ITPRID2: variants seen among roughly 807,000 people sequenced by gnomAD.
The protein encoded by ITPRID2 is ITPR interacting domain containing 2.
ITPRID2 carries 60 observed loss-of-function variants against 124.3 expected under a neutral mutation model. The observed-to-expected ratio is 0.48, with a 90% CI of 0.39 to 0.60. ITPRID2 has a LOEUF of 0.60. Ranked by LOEUF, ITPRID2 falls within the 20% of genes least tolerant of loss-of-function variation. The probability of loss-of-function intolerance (pLI) is 0.00; values close to 1 mark genes in which losing one functional copy is unlikely to be tolerated. For synonymous variants in ITPRID2, 521 were observed against 542.9 expected (o/e 0.96, Z 0.56); for missense variants, 1,553 against 1,512.2 (o/e 1.03, Z -0.45).
chr2:181,913,628 A>G (rs1693797429), intron 9 of ITPRID2, among the ~76,000 whole-genome samples: 1 of 152,130 alleles, frequency 6.6e-6, no homozygotes. Context: ...AGAAGATCTG[A>G]TACAGTTTTT....
intron 2 of ITPRID2, among the ~76,000 whole-genome samples, chr2:181,895,481 T>C (rs1382842033): frequency 6.6e-6 from 1 of 152,028 alleles, no homozygotes; most frequent in Non-Finnish European, 1.5e-5. Flanking sequence ...GCTTCTACAT[T>C]TACATAAAAA....
In ITPRID2 at chr2:181,923,389, G is replaced by C. The variant is rs149214016; in HGVS notation, c.3675+977G>C. 1.8e-3 allele frequency among the ~76,000 whole-genome samples: 267 copies of C among 152,228 alleles called. 4 individuals carry two copies. The highest frequency in any genetic ancestry group is 3.5e-4 in the Non-Finnish European group (24 of 67,982). ...TTTCAAAACAAGCATTATAGCAGAA[G>C]ACTTCATATCTGTAATTTATTTTCA... On this transcript the variant is annotated intron_variant, in intron 16 of 17. Transcript: ENST00000431877.
intron 6 of ITPRID2, among the ~76,000 whole-genome samples, 193 bp downstream of exon 6, chr2:181,899,305 A>G (rs1468704900): frequency 1.3e-5 from 2 of 152,154 alleles, no homozygotes; most frequent in African/African-American, 4.8e-5. Context: ...TTGAGATTAA[A>G]TAAAATGCAA....
chr2:181,913,997 T>A, intron 10 of ITPRID2, 64 bp downstream of exon 10: 1 of 1,046,160 alleles, frequency 9.6e-7, no homozygotes, highest in Non-Finnish European at 1.4e-6. Flanking sequence ...GTTTTTGTAT[T>A]ACTATATATT....
intron 7 of ITPRID2, among the ~76,000 whole-genome samples, chr2:181,901,464 T>C (rs925989331): frequency 6.6e-6 from 1 of 152,320 alleles, no homozygotes; most frequent in Admixed American, 6.5e-5. Flanking sequence ...GACTTCAGAA[T>C]AGAATCACAA....
rs747076887 is a variant in ITPRID2, at chr2:181,922,422, A to G, written c.3675+10A>G. The stretch of plus-strand genomic sequence containing the variant: ...GCAAGTCATACGGGAGGTGGGTAAA[A>G]TCTGTGTTTCATTCATTTATTTGGA... On this transcript the variant is annotated intron_variant, in intron 16 of 17. Coordinates refer to ENST00000431877, the MANE Select transcript of ITPRID2 (RefSeq NM_001130445.3). The G allele has an allele frequency of 1.3e-6, 2 of 1,589,038 alleles. No individual in the cohort carries two copies. Among genetic ancestry groups the G allele is most frequent in the African/African-American group, 1.4e-5 (1 of 74,044 alleles).
At chr2:181,921,125 A>G (rs758916411) in intron 15 of ITPRID2, among the ~76,000 whole-genome samples, 10 of 152,154 alleles carry the variant, frequency 6.6e-5, no homozygotes, top group Non-Finnish European at 1.5e-4. Context: ...TCAAGGCTAC[A>G]GTGAGCTATG....
Position 181,915,896 on chromosome 2 carries a change from C to G in ITPRID2, c.2256C>G (p.Ser752=). 1 of 1,614,206 alleles carries G rather than the reference C, an allele frequency of 6.2e-7. No individual in the cohort carries two copies. Among genetic ancestry groups the G allele is most frequent in the Non-Finnish European group, 8.5e-7 (1 of 1,180,036 alleles). ...TATTGAGCCCAGTAAGGGTTGTGTC[C>G]TCTGTCAATGTTCGATTATCTCCAG... The part of the protein sequence containing the change: ...TTLLSPVRVV[S]SVNVRLSPGK... The change falls in exon 11 of 18, where the codon TCC becomes TCG. Residue 752 remains serine, a synonymous_variant. Transcript: ENST00000431877.
At chr2:181,894,947 G>A (rs71427817) in intron 2 of ITPRID2, among the ~76,000 whole-genome samples, 13 of 152,108 alleles carry the variant, frequency 8.5e-5, no homozygotes, top group African/African-American at 2.9e-4. Context: ...CATCAGGGAA[G>A]GATGACTTTT....
At chr2:181,900,205 C>T (rs145654501) in intron 6 of ITPRID2, among the ~76,000 whole-genome samples, 4 of 152,184 alleles carry the variant, frequency 2.6e-5, no homozygotes, top group East Asian at 1.9e-4. Flanking sequence ...GCTCCTCCCT[C>T]GCTTCTCTGA....
intron 11 of ITPRID2, chr2:181,917,759 A>G (rs1044608292): frequency 3.3e-5 from 5 of 152,264 alleles, no homozygotes; most frequent in Non-Finnish European, 7.3e-5. Context: ...GTATCTGCAC[A>G]TGGCTGATTT....
At chr2:181,917,719 A>C (rs917428716) in intron 11 of ITPRID2, 7 of 152,250 alleles carry the variant, frequency 4.6e-5, no homozygotes, top group African/African-American at 1.7e-4. Flanking sequence ...AGGATTGTGC[A>C]CAGGTCTCTA....
At position 181,910,547 on chromosome 2, in the gene ITPRID2, C is replaced by T. The variant is rs1035899737; in HGVS notation, c.1486+576C>T. 1.5e-6 allele frequency: 1 copy of T among 669,628 alleles called. No homozygotes were observed. The highest frequency in any genetic ancestry group is 2.8e-5 in the East Asian group (1 of 35,754). 41.5% of individuals were successfully genotyped at this position (669,628 alleles called of 1,614,324 possible). A position where few individuals can be genotyped will look rare whatever the true frequency, so the allele number is the denominator to read the frequency against. ...TTTTAACTTGCAACAACAACAACAA[C>T]AAAAATGTGTGATCTTTGGATTTAC... On this transcript the variant is annotated intron_variant, in intron 9 of 17. Coordinates refer to ENST00000431877, the MANE Select transcript of ITPRID2 (RefSeq NM_001130445.3). This position sits in a 1 kb window ranked among gnomAD's most constrained non-coding sequence, Gnocchi z 4.1.
rs969983743 is a variant in ITPRID2, at chr2:181,917,068, A to G, written c.2787+641A>G. ...TTGTCACTTTTAAAGTCATTCTCAG[A>G]TTTGTTAGTAGACTGGAAATAATTT... is the stretch of plus-strand genomic sequence containing the variant. On this transcript the variant is annotated intron_variant, in intron 11 of 17. Coordinates refer to ENST00000431877, the MANE Select transcript of ITPRID2 (RefSeq NM_001130445.3). 3 of 946,436 alleles carry G rather than the reference A, an allele frequency of 3.2e-6. No individual in the cohort carries two copies. The South Asian group carries it at 1.5e-4, about 46-fold the overall frequency. 58.6% of individuals were successfully genotyped at this position (946,436 alleles called of 1,614,324 possible).
chr2:181,904,642 A>G (rs563712721), intron 8 of ITPRID2, among the ~76,000 whole-genome samples: 1 of 152,164 alleles, frequency 6.6e-6, no homozygotes, highest in Non-Finnish European at 1.5e-5. Context: ...ACCTCTTTCC[A>G]TGAGGTTTGA....
chr2:181,929,794 T>A lies in ITPRID2; in HGVS notation c.*247T>A. On this transcript the variant is annotated 3_prime_UTR_variant, in exon 18 of 18. Coordinates refer to ENST00000431877, the MANE Select transcript of ITPRID2 (RefSeq NM_001130445.3). ...CTAGCAGTTTGAAAAGCCTAATATTTATTTGTATGTCAGTATTTTTCATTT... is the reference window on the plus strand; with the variant it reads ...CTAGCAGTTTGAAAAGCCTAATATTAATTTGTATGTCAGTATTTTTCATTT... The A allele has an allele frequency of 2.0e-6, 1 of 491,196 alleles. No individual in the cohort carries two copies. Among genetic ancestry groups the A allele is most frequent in the Non-Finnish European group, 3.5e-6 (1 of 282,954 alleles). 30.4% of individuals were successfully genotyped at this position (491,196 alleles called of 1,614,324 possible).
Position 181,918,643 on chromosome 2 carries a change from A to G in ITPRID2, c.2833A>G (p.Thr945Ala). 1 of 1,614,116 alleles carries G rather than the reference A, an allele frequency of 6.2e-7. No homozygotes were observed. The highest frequency in any genetic ancestry group is 8.5e-7 in the Non-Finnish European group (1 of 1,179,986). Residue 945 changes from threonine (T) to alanine (A), a missense_variant, in exon 12 of 18, where the codon ACT (threonine) becomes GCT (alanine). Physicochemically the swap from Thr to Ala is moderately conservative, Grantham distance 58. Transcript: ENST00000431877. Reference protein sequence around the residue: ...GPDPAAAPYSTQKSSVLPLYE... With the variant: ...GPDPAAAPYSAQKSSVLPLYE... ...TGATCCTGCTGCTGCTCCATATAGT[A>G]CTCAGAAATCATCTGTTCTACCTCT...
chr2:181,917,160 C>T (rs1043274632), intron 11 of ITPRID2: 4 of 206,264 alleles, frequency 1.9e-5, no homozygotes, highest in Non-Finnish European at 2.5e-5. Context: ...CTTGAACATT[C>T]TCTCTGAATG....
In ITPRID2 at chr2:181,902,262, G is replaced by A; in HGVS notation, c.1209G>A (p.Glu403=). Residue 403 remains glutamate (E), a synonymous_variant, in exon 8 of 18, where the codon GAG becomes GAA. Transcript: ENST00000431877. The surrounding 1 kb of genome is among the most constrained non-coding windows in gnomAD (Gnocchi z 4.4). ...AAAGTAAAGAAACTCAAAGTCATGAGAGTAAACTGGGTGAGGAATCTGGTA... is the reference window on the plus strand; with the variant it reads ...AAAGTAAAGAAACTCAAAGTCATGAAAGTAAACTGGGTGAGGAATCTGGTA... ...NEQSKETQSH[E]SKLGEESGIV... The A allele has an allele frequency of 6.2e-7, 1 of 1,613,498 alleles. No homozygotes were observed. Among genetic ancestry groups the A allele is most frequent in the Non-Finnish European group, 8.5e-7 (1 of 1,179,686 alleles).
Sources: allele counts gnomAD v4.1 joint callset (sites outside exome capture counted in the v4.1 genomes callset), GRCh38; gene constraint gnomAD v4.1.1; non-coding constraint Gnocchi (gnomAD v3.1); transcripts MANE v1.5; gene names NCBI Gene and HGNC (gene_info 2026-07-23, HGNC 2026-07-21).